NDST3: variants seen among roughly 807,000 people sequenced by gnomAD.
NDST3 encodes the protein bifunctional heparan sulfate N-deacetylase/N-sulfotransferase 3.
In NDST3, 58 loss-of-function variants were observed where a neutral mutation model predicts 96.1. The ratio of observed to expected loss-of-function variants is 0.60; its 90% CI spans 0.49 to 0.75. The LOEUF is 0.75. Ranked by LOEUF, NDST3 falls within the 30% of genes least tolerant of loss-of-function variation. The pLI is 0.00. For missense variants in NDST3, 788 were observed against 1,034.2 expected (o/e 0.76, Z 3.27); for synonymous variants, 333 against 359.7 (o/e 0.93, Z 0.84).
Position 118,169,793 on chromosome 4 carries a change from CA to C in NDST3, c.1539+26125del, listed in dbSNP as rs55684244. 3.3e-3 allele frequency among the ~76,000 whole-genome samples: 390 copies of C among 117,282 alleles called. 1 individual carries two copies. Among genetic ancestry groups the C allele is most frequent in the Middle Eastern group, 4.4e-3 (1 of 228 alleles). 76.9% of individuals were successfully genotyped at this position (117,282 alleles called of 152,430 possible). ...TGGGTGACAGAGCAAGACTCCATCTCAAAAAAAAAAAAAAAAGAGAGCTGAA... is the reference window on the plus strand; with the variant it reads ...TGGGTGACAGAGCAAGACTCCATCTCAAAAAAAAAAAAAAAGAGAGCTGAA... On this transcript the variant is annotated intron_variant, in intron 6 of 13. Transcript: ENST00000296499.
rs1246291956 is a variant in NDST3, at chr4:118,233,885, C to CAT, written c.1943+757_1943+758dup. On this transcript the variant is annotated intron_variant, in intron 9 of 13. Coordinates refer to ENST00000296499, the MANE Select transcript of NDST3 (RefSeq NM_004784.3). ...TATTTTGCATGTATTTTAGCATAGTCATATATATCTCTTGTCAAACTGCAT... is the reference window on the plus strand; with the variant it reads ...TATTTTGCATGTATTTTAGCATAGTCATATATATATCTCTTGTCAAACTGCAT... Among the ~76,000 whole-genome samples, 4 of 152,210 alleles carry CAT rather than the reference C, an allele frequency of 2.6e-5. No homozygotes were observed. The South Asian group carries it at 6.2e-4, about 24-fold the overall frequency.
At chr4:118,131,504 T>C (rs1404517284) in intron 4 of NDST3, among the ~76,000 whole-genome samples, 1 of 152,130 alleles carries the variant, frequency 6.6e-6, no homozygotes, top group Admixed American at 6.5e-5. Flanking sequence ...CTTATCTCTG[T>C]TAATCTTGAA....
intron 2 of NDST3, among the ~76,000 whole-genome samples, chr4:118,081,509 A>C (rs1433135073): frequency 2.0e-5 from 3 of 152,164 alleles, no homozygotes; most frequent in African/African-American, 7.2e-5. Flanking sequence ...CTTCTTTCTT[A>C]ATGAAAATAT....
chr4:118,048,408 C>A (rs1446175080), intron 1 of NDST3, among the ~76,000 whole-genome samples: 2 of 151,998 alleles, frequency 1.3e-5, no homozygotes, highest in African/African-American at 4.8e-5. Flanking sequence ...GAGCTAAATG[C>A]CCCACTTAAA....
At chr4:118,210,277 G>A (rs1738699055) in intron 6 of NDST3, among the ~76,000 whole-genome samples, 1 of 152,146 alleles carries the variant, frequency 6.6e-6, no homozygotes, top group Admixed American at 6.5e-5. Flanking sequence ...TTTCCTGCAG[G>A]AGGGGGACAC....
chr4:118,091,655 G>C (rs1211015040), intron 2 of NDST3, among the ~76,000 whole-genome samples: 1 of 151,642 alleles, frequency 6.6e-6, no homozygotes, highest in African/African-American at 2.4e-5. Flanking sequence ...CACTCACTGA[G>C]GGAATGGAAG....
intron 2 of NDST3, among the ~76,000 whole-genome samples, chr4:118,098,158 T>C (rs1373141294): frequency 6.6e-6 from 1 of 151,978 alleles, no homozygotes; most frequent in Non-Finnish European, 1.5e-5. Context: ...GCAATAACAG[T>C]AAGTGGATTG....
At chr4:118,102,668 C>A (rs947038748) in intron 2 of NDST3, among the ~76,000 whole-genome samples, 23 of 151,894 alleles carry the variant, frequency 1.5e-4, no homozygotes, top group Non-Finnish European at 4.4e-5. Flanking sequence ...GGTACTTAAG[C>A]TTTTTACAAG....
chr4:118,113,691 G>A (rs1227456144), intron 3 of NDST3, among the ~76,000 whole-genome samples: 1 of 152,086 alleles, frequency 6.6e-6, no homozygotes, highest in African/African-American at 2.4e-5. Flanking sequence ...TTAGCCTGTA[G>A]GGCTCTAATA....
At chr4:118,217,816 A>G (rs1460937466) in intron 6 of NDST3, among the ~76,000 whole-genome samples, 1 of 152,066 alleles carries the variant, frequency 6.6e-6, no homozygotes, top group Non-Finnish European at 1.5e-5. Context: ...TGCTTTGGTA[A>G]AAAACAAGAT....
At chr4:118,214,165 T>C (rs1302560339) in intron 6 of NDST3, among the ~76,000 whole-genome samples, 2 of 152,120 alleles carry the variant, frequency 1.3e-5, no homozygotes, top group African/African-American at 2.4e-5. Flanking sequence ...AAAAAACATC[T>C]ACCAATGTAT....
chr4:118,052,389 G>A (rs1560608476), intron 1 of NDST3, among the ~76,000 whole-genome samples: 1 of 152,010 alleles, frequency 6.6e-6, no homozygotes, highest in Non-Finnish European at 1.5e-5. Context: ...TTAGAGGGAG[G>A]AAGAAGGAAG....
chr4:118,163,494 C>T (rs1267839229), intron 6 of NDST3, among the ~76,000 whole-genome samples: 6 of 151,806 alleles, frequency 4.0e-5, no homozygotes, highest in Non-Finnish European at 5.9e-5. Context: ...AGTAAACTAT[C>T]GCAAGAACAA....
intron 7 of NDST3, among the ~76,000 whole-genome samples, chr4:118,224,982 GA>G (rs1472472638): frequency 6.6e-6 from 1 of 152,162 alleles, no homozygotes. Context: ...AAGAGTAGAA[GA>G]TGGTAAACAG....
intron 2 of NDST3, among the ~76,000 whole-genome samples, chr4:118,071,116 G>C (rs560052099): frequency 1.3e-5 from 2 of 152,058 alleles, no homozygotes; most frequent in South Asian, 4.2e-4. Flanking sequence ...TCTTAATCCA[G>C]TCTATCATTG....
intron 12 of NDST3, among the ~76,000 whole-genome samples, chr4:118,250,375 A>G (rs1431852009): frequency 6.6e-6 from 1 of 152,068 alleles, no homozygotes; most frequent in African/African-American, 2.4e-5. Flanking sequence ...GTACAGTGCT[A>G]TTTCATTTGT....
At chr4:118,206,225 C>G (rs1043462921) in intron 6 of NDST3, among the ~76,000 whole-genome samples, 3 of 144,134 alleles carry the variant, frequency 2.1e-5, no homozygotes, top group Admixed American at 2.1e-4. Context: ...AACTACATAA[C>G]GAAGAAGATT....
chr4:118,049,424 T>A (rs1421384188), intron 1 of NDST3, among the ~76,000 whole-genome samples: 3 of 151,558 alleles, frequency 2.0e-5, no homozygotes. Flanking sequence ...AAAAGACCAA[T>A]GAAACCAAGA....
chr4:118,213,869 A>C (rs1739012174), intron 6 of NDST3, among the ~76,000 whole-genome samples: 1 of 152,044 alleles, frequency 6.6e-6, no homozygotes, highest in Non-Finnish European at 1.5e-5. Context: ...TATGATATAG[A>C]CTTCAATTCA....
Sources: allele counts gnomAD v4.1 joint callset (sites outside exome capture counted in the v4.1 genomes callset), GRCh38; gene constraint gnomAD v4.1.1; transcripts MANE v1.5; gene names NCBI Gene and HGNC (gene_info 2026-07-23, HGNC 2026-07-21).